LNX1: variants seen among roughly 807,000 people sequenced by gnomAD.
LNX1 encodes E3 ubiquitin-protein ligase LNX.
LNX1 carries 54 observed loss-of-function variants against 68.4 expected under a neutral mutation model. The observed-to-expected ratio is 0.79, with a 90% CI of 0.63 to 0.99. LNX1 has a LOEUF of 0.99. LNX1 is among the 50% of genes least tolerant of loss of function. LNX1 has a pLI of 0.00. For missense variants in LNX1, 906 were observed against 926.4 expected (o/e 0.98, Z 0.29); for synonymous variants, 336 against 350.0 (o/e 0.96, Z 0.45).
At chr4:53,507,193 A>G in intron 4 of LNX1, 124 bp downstream of exon 4, 1 of 1,027,916 alleles carries the variant, frequency 9.7e-7, no homozygotes, top group African/African-American at 1.6e-5. Context: ...CAAAGTAAAA[A>G]ATATTGTATA....
chr4:53,528,597 G>A (rs1727795693), intron 2 of LNX1, among the ~76,000 whole-genome samples: 1 of 152,150 alleles, frequency 6.6e-6, no homozygotes, highest in South Asian at 2.1e-4. Context: ...CGTACATGTA[G>A]GAGAAAACAG....
In LNX1 at chr4:53,644,699, G is replaced by T. The variant is rs1163775921; in HGVS notation, c.-215+7469C>A. ...TTGGATAGTGTCCCAGGTTGGGTAGGTTACCCCAGCACCAGCAGGGCCTCC... is the reference window on the plus strand; with the variant it reads ...TTGGATAGTGTCCCAGGTTGGGTAGTTTACCCCAGCACCAGCAGGGCCTCC... On this transcript the variant is annotated intron_variant, in intron 1 of 2. Transcript: ENST00000507168. Among the ~76,000 whole-genome samples the T allele has an allele frequency of 2.6e-5, 4 of 152,154 alleles. No individual in the cohort carries two copies. In the East Asian group the frequency reaches 7.7e-4, roughly 29 times the overall value.
At chr4:53,490,495 G>A (rs1560623761) in intron 6 of LNX1, among the ~76,000 whole-genome samples, 1 of 151,506 alleles carries the variant, frequency 6.6e-6, no homozygotes, top group African/African-American at 2.4e-5. Flanking sequence ...CTTCTTAAAA[G>A]GGCCTGGCAA....
chr4:53,493,848 C>A (rs1246792472), intron 6 of LNX1, among the ~76,000 whole-genome samples: 2 of 152,196 alleles, frequency 1.3e-5, no homozygotes, highest in Non-Finnish European at 1.5e-5. Context: ...CTTTTCAGCT[C>A]TCCACTGACT....
rs1178353824 is a variant in LNX1 at position 53,541,337 on chromosome 4, TG to T, written c.380+32285del. Reference sequence around the variant, plus strand: ...CAAGATCATGTCAAAAAAAAGAGGTTGGGCTGAAAAAAATTATTTCTCTAAG... The same window carrying T: ...CAAGATCATGTCAAAAAAAAGAGGTTGGCTGAAAAAAATTATTTCTCTAAG... On this transcript the variant is annotated intron_variant, in intron 2 of 10. Coordinates refer to ENST00000263925, the MANE Select transcript of LNX1 (RefSeq NM_001126328.3). Among the ~76,000 whole-genome samples the T allele has an allele frequency of 4.6e-5, 7 of 152,116 alleles. No homozygotes were observed. The East Asian group carries it at 1.3e-3, about 29-fold the overall frequency.
intron 2 of LNX1, among the ~76,000 whole-genome samples, chr4:53,517,652 G>A (rs752658526): frequency 3.0e-4 from 46 of 152,138 alleles, no homozygotes; most frequent in Non-Finnish European, 4.0e-4. Context: ...TAGCTCTTTG[G>A]CCTAAAGACA....
chr4:53,528,714 A>G (rs1577666114), intron 2 of LNX1, among the ~76,000 whole-genome samples: 1 of 152,130 alleles, frequency 6.6e-6, no homozygotes, highest in East Asian at 1.9e-4. Context: ...GACAGCAACT[A>G]GTGAGAACAG....
At chr4:53,492,985 T>G (rs942352911) in intron 6 of LNX1, among the ~76,000 whole-genome samples, 5 of 152,076 alleles carry the variant, frequency 3.3e-5, no homozygotes, top group Admixed American at 6.5e-5. Context: ...TTTGTTTATT[T>G]TTTGAGACAG....
rs1721556671 is a variant in LNX1, at chr4:53,460,038, GGT to G, written c.*867_*868del. ...ATTAATAAAACCTATAAGGCATCTG[GGT>G]GGCCTCTATGAAATAAATTAATTAA... On this transcript the variant is annotated 3_prime_UTR_variant, in exon 11 of 11. Transcript: ENST00000263925. The G allele has an allele frequency of 1.2e-5, 2 of 162,020 alleles. No homozygotes were observed. The highest frequency in any genetic ancestry group is 1.6e-4 in the East Asian group (2 of 12,194). The allele number at this position is 162,020 out of a possible 1,614,324, so 10.0% of individuals were successfully genotyped here.
At chr4:53,500,399 TG>T (rs2109485549) in intron 4 of LNX1, 1 of 152,248 alleles carries the variant, frequency 6.6e-6, no homozygotes, top group East Asian at 1.9e-4. Flanking sequence ...AGGGCTGAGA[TG>T]CTTCTGTCTT....
At chr4:53,597,350 C>T (rs1732797968) in intron 2 of LNX1, among the ~76,000 whole-genome samples, 1 of 152,162 alleles carries the variant, frequency 6.6e-6, no homozygotes, top group Non-Finnish European at 1.5e-5. Context: ...CCCTGTCTGC[C>T]TTCAAACTTT....
At chr4:53,522,283 C>T (rs185486236) in intron 2 of LNX1, among the ~76,000 whole-genome samples, 6 of 152,276 alleles carry the variant, frequency 3.9e-5, no homozygotes, top group African/African-American at 1.4e-4. Flanking sequence ...TAAGGCCTGC[C>T]TCTCATCTCA....
chr4:53,577,230 C>A (rs1337881511), intron 1 of LNX1, among the ~76,000 whole-genome samples: 1 of 152,174 alleles, frequency 6.6e-6, no homozygotes, highest in Non-Finnish European at 1.5e-5. Flanking sequence ...AGATTATCAT[C>A]TACAATCTAT....
At chr4:53,519,615 G>C (rs1727054359) in intron 2 of LNX1, among the ~76,000 whole-genome samples, 1 of 151,488 alleles carries the variant, frequency 6.6e-6, no homozygotes, top group Non-Finnish European at 1.5e-5. Flanking sequence ...GAGTAGCTCT[G>C]TCTGAGATCT....
At chr4:53,506,872 A>AAAAAAAAAAAAAAAT in intron 4 of LNX1, among the ~76,000 whole-genome samples, 1 of 149,492 alleles carries the variant, frequency 6.7e-6, no homozygotes, top group Non-Finnish European at 1.5e-5. Flanking sequence ...AAAAAAAAAA[A>AAAAAAAAAAAAAAAT]AAAGAGGAAT....
At chr4:53,531,305 G>A (rs1179925920) in intron 2 of LNX1, among the ~76,000 whole-genome samples, 1 of 152,102 alleles carries the variant, frequency 6.6e-6, no homozygotes, top group East Asian at 1.9e-4. Context: ...AAAAGAAAAG[G>A]CCACCTGTTC....
At chr4:53,475,840 A>C (rs1198641478) in intron 9 of LNX1, among the ~76,000 whole-genome samples, 1 of 152,184 alleles carries the variant, frequency 6.6e-6, no homozygotes, top group Non-Finnish European at 1.5e-5. Context: ...ATGTCACTAA[A>C]ATGACAACCC....
upstream of LNX1, among the ~76,000 whole-genome samples, chr4:53,619,517 T>G (rs1361383387): frequency 6.6e-6 from 1 of 152,204 alleles, no homozygotes; most frequent in Non-Finnish European, 1.5e-5. Flanking sequence ...TGGGTCATGC[T>G]TATCCATGTT....
intron 2 of LNX1, among the ~76,000 whole-genome samples, chr4:53,562,167 G>A (rs1011434763): frequency 6.6e-5 from 10 of 152,116 alleles, no homozygotes; most frequent in Non-Finnish European, 1.0e-4. Flanking sequence ...AATAAGTCTC[G>A]CTCAGGATCA....
Sources: allele counts gnomAD v4.1 joint callset (sites outside exome capture counted in the v4.1 genomes callset), GRCh38; gene constraint gnomAD v4.1.1; transcripts MANE v1.5; gene names NCBI Gene and HGNC (gene_info 2026-07-23, HGNC 2026-07-21).